Variants in GPM6A observed in about 807,000 individuals in gnomAD.
GPM6A encodes the protein neuronal membrane glycoprotein M6-a.
GPM6A carries 7 observed loss-of-function variants against 32.1 expected under a neutral mutation model. That is an observed-to-expected ratio of 0.22 (90% CI 0.12 to 0.41). GPM6A has a LOEUF of 0.41. GPM6A is among the 10% of genes least tolerant of loss of function. The pLI is 1.00. For synonymous variants in GPM6A, 130 were observed against 123.4 expected (o/e 1.05, Z -0.35); for missense variants, 235 against 347.2 (o/e 0.68, Z 2.57).
intron 1 of GPM6A, among the ~76,000 whole-genome samples, chr4:175,714,318 TCAA>T (rs1437411246): frequency 1.3e-5 from 2 of 152,204 alleles, no homozygotes; most frequent in Non-Finnish European, 2.9e-5. Flanking sequence ...TATAACTATA[TCAA>T]CAAGAATTTT....
At chr4:175,871,429 C>T (rs2111439106) in intron 1 of GPM6A, among the ~76,000 whole-genome samples, 1 of 152,136 alleles carries the variant, frequency 6.6e-6, no homozygotes, top group East Asian at 1.9e-4. Flanking sequence ...GAGATTGCAC[C>T]ACTGCACTCC....
chr4:175,913,251 T>A (rs558169704), intron 1 of GPM6A, among the ~76,000 whole-genome samples: 1 of 152,320 alleles, frequency 6.6e-6, no homozygotes, highest in East Asian at 1.9e-4. Flanking sequence ...AAAAAGATGA[T>A]TTGTAAACAA....
intron 1 of GPM6A, among the ~76,000 whole-genome samples, chr4:175,902,038 T>C (rs1737985691): frequency 6.6e-6 from 1 of 152,148 alleles, no homozygotes; most frequent in Non-Finnish European, 1.5e-5. Flanking sequence ...CAAAAAGATG[T>C]GGACAAGAAT....
At chr4:175,941,325 G>A (rs1169913872) in intron 1 of GPM6A, among the ~76,000 whole-genome samples, 2 of 151,960 alleles carry the variant, frequency 1.3e-5, no homozygotes, top group African/African-American at 2.4e-5. Flanking sequence ...TTTGTAATAA[G>A]CCTTCATCTT....
At chr4:175,732,806 T>TA (rs1731490203) in intron 1 of GPM6A, among the ~76,000 whole-genome samples, 1 of 152,240 alleles carries the variant, frequency 6.6e-6, no homozygotes, top group Admixed American at 6.5e-5. Flanking sequence ...TATTATGATA[T>TA]AATGCTAAGA....
chr4:175,636,385 A>G (rs1294440460), intron 6 of GPM6A, among the ~76,000 whole-genome samples: 1 of 149,940 alleles, frequency 6.7e-6, no homozygotes, highest in Admixed American at 6.7e-5. Flanking sequence ...TGCTGTGGAG[A>G]GTGCTTAGTA....
At chr4:175,650,064 T>C (rs1741691672) in intron 4 of GPM6A, among the ~76,000 whole-genome samples, 1 of 152,162 alleles carries the variant, frequency 6.6e-6, no homozygotes, top group East Asian at 1.9e-4. Flanking sequence ...CCTTTTCCGA[T>C]ATTTACAGGG....
intron 1 of GPM6A, among the ~76,000 whole-genome samples, chr4:175,723,162 A>AT (rs1356052142): frequency 1.3e-5 from 2 of 152,160 alleles, no homozygotes; most frequent in African/African-American, 4.8e-5. Flanking sequence ...TTCTAATTTT[A>AT]TTTTTCTTTC....
At position 175,908,886 on chromosome 4, in the gene GPM6A, G is replaced by A. The variant is rs141186296; in HGVS notation, c.-23+93423C>T. Among the ~76,000 whole-genome samples the A allele has an allele frequency of 2.2e-3, 332 of 152,096 alleles. 5 individuals are homozygous for A. Among genetic ancestry groups the A allele is most frequent in the African/African-American group, 7.2e-3 (299 of 41,536 alleles). On this transcript the variant is annotated intron_variant, in intron 1 of 7. Coordinates refer to the GPM6A transcript ENST00000280187. Reference sequence around the variant, plus strand: ...TTTGCAAGAATAATTACTAGAAAATGAGAGTGAGCTAGCTTTACTGATTTG... The same window carrying A: ...TTTGCAAGAATAATTACTAGAAAATAAGAGTGAGCTAGCTTTACTGATTTG...
chr4:175,963,929 A>C (rs1740250637), intron 1 of GPM6A, among the ~76,000 whole-genome samples: 1 of 152,160 alleles, frequency 6.6e-6, no homozygotes. Context: ...CAAGTGGTAG[A>C]GTGTCTTCTG....
rs2581766 is a variant in GPM6A at position 175,776,870 on chromosome 4, A to G, written c.37+35321T>C. Among the ~76,000 whole-genome samples, 934 of 152,304 alleles carry G rather than the reference A, an allele frequency of 6.1e-3. 11 individuals carry two copies. Among genetic ancestry groups the G allele is most frequent in the African/African-American group, 0.022 (899 of 41,580 alleles). On this transcript the variant is annotated intron_variant, in intron 1 of 6. Coordinates refer to ENST00000393658, the MANE Select transcript of GPM6A (RefSeq NM_201591.3). The stretch of plus-strand genomic sequence containing the variant: ...TATACATTGAAATGACGAAACCAAT[A>G]GTGAGGTAAGTCTCCAAATCTCATA...
intron 1 of GPM6A, among the ~76,000 whole-genome samples, chr4:175,978,358 T>C (rs986724912): frequency 6.6e-5 from 10 of 152,150 alleles, no homozygotes; most frequent in African/African-American, 2.4e-4. Flanking sequence ...GGAAAACCAA[T>C]TGCCTGATCA....
At chr4:175,800,669 G>A (rs2111302356) in intron 1 of GPM6A, 1 of 159,978 alleles carries the variant, frequency 6.3e-6, no homozygotes, top group South Asian at 1.5e-4. Context: ...TCTGTTTCTT[G>A]CAAAATAAAA....
chr4:175,663,302 G>A (rs1240447858), intron 3 of GPM6A, among the ~76,000 whole-genome samples: 1 of 152,192 alleles, frequency 6.6e-6, no homozygotes, highest in Non-Finnish European at 1.5e-5. Context: ...ATGTTTCTCA[G>A]TAGGTGAATG....
At chr4:175,868,897 G>T (rs1220755503) in intron 1 of GPM6A, among the ~76,000 whole-genome samples, 1 of 152,154 alleles carries the variant, frequency 6.6e-6, no homozygotes, top group Non-Finnish European at 1.5e-5. Flanking sequence ...TGTCAGTTCA[G>T]CTTGATCTTG....
intron 1 of GPM6A, among the ~76,000 whole-genome samples, chr4:175,866,281 A>G (rs1409981597): frequency 6.6e-6 from 1 of 152,092 alleles, no homozygotes; most frequent in Admixed American, 6.6e-5. Context: ...TTAACACATC[A>G]TAATCATCCA....
chr4:175,929,362 T>C (rs1738950883), intron 1 of GPM6A, among the ~76,000 whole-genome samples: 1 of 152,352 alleles, frequency 6.6e-6, no homozygotes, highest in African/African-American at 2.4e-5. Context: ...CCAGGAGTAC[T>C]TTGTACTTTG....
chr4:175,886,833 C>T (rs1737475777), intron 1 of GPM6A, among the ~76,000 whole-genome samples: 1 of 151,398 alleles, frequency 6.6e-6, no homozygotes, highest in Non-Finnish European at 1.5e-5. Flanking sequence ...ATTAAACTTG[C>T]TTCTAATTGA....
chr4:175,991,105 T>C (rs1415050789), intron 1 of GPM6A, among the ~76,000 whole-genome samples: 1 of 151,092 alleles, frequency 6.6e-6, no homozygotes, highest in African/African-American at 2.4e-5. Context: ...AATTTCGCTC[T>C]TGTAGCCCAG....
Sources: gnomAD v4.1 joint callset for allele counts (sites outside exome capture counted in the v4.1 genomes callset) on GRCh38, gnomAD v4.1.1 for gene constraint, MANE v1.5 for transcripts, NCBI Gene and HGNC (gene_info 2026-07-23, HGNC 2026-07-21) for gene names.